Variants in XKR9 observed in about 807,000 individuals in gnomAD.
XKR9 encodes XK related 9, also known as XK-related protein 9.
Under a neutral mutation model 32.0 loss-of-function variants are expected in XKR9, and 32 were observed. The ratio of observed to expected loss-of-function variants is 1.00; its 90% CI spans 0.76 to 1.34. The LOEUF is 1.34. XKR9 is among the 40% of genes most tolerant of loss of function. The pLI, the probability that XKR9 is intolerant of heterozygous loss-of-function variation, is 0.00. For missense variants in XKR9, 546 were observed against 429.7 expected, an observed-to-expected ratio of 1.27 and a Z score of -2.39; for synonymous variants, 168 against 143.4, an observed-to-expected ratio of 1.17 and a Z score of -1.22.
the XKR9 span, among the ~76,000 whole-genome samples, chr8:70,958,967 T>A: frequency 6.6e-6 from 1 of 152,126 alleles, no homozygotes; most frequent in Non-Finnish European, 1.5e-5. Context: ...GTATATAGCC[T>A]ATTATACAGT....
the XKR9 span, among the ~76,000 whole-genome samples, chr8:70,926,947 C>G: frequency 2.8e-3 from 423 of 152,070 alleles, 1 homozygote; most frequent in Non-Finnish European, 4.3e-3. Flanking sequence ...CCAAGAGCTT[C>G]TACCATTATT....
chr8:70,972,087 G>A, the XKR9 span, among the ~76,000 whole-genome samples: 3 of 152,152 alleles, frequency 2.0e-5, no homozygotes, highest in African/African-American at 4.8e-5. Flanking sequence ...CTACTCAGCC[G>A]TGAGCATGGA....
At chr8:70,884,048 G>T in the XKR9 span, among the ~76,000 whole-genome samples, 1 of 152,096 alleles carries the variant, frequency 6.6e-6, no homozygotes, top group Non-Finnish European at 1.5e-5. Context: ...GTCAGCATTT[G>T]GTGTTGTCAG....
At chr8:70,879,693 A>T in the XKR9 span, among the ~76,000 whole-genome samples, 1 of 152,168 alleles carries the variant, frequency 6.6e-6, no homozygotes, top group African/African-American at 2.4e-5. Context: ...AAAAAAGCGC[A>T]GGACCAGATG....
chr8:70,755,868 A>T (rs1490341669), intron 2 of XKR9, among the ~76,000 whole-genome samples: 1 of 150,810 alleles, frequency 6.6e-6, no homozygotes, highest in Non-Finnish European at 1.5e-5. Context: ...TATGTAACTA[A>T]TCTGCACATT....
chr8:70,784,028 T>A (rs1052515670), intron 2 of XKR9, among the ~76,000 whole-genome samples: 2 of 152,168 alleles, frequency 1.3e-5, no homozygotes, highest in African/African-American at 2.4e-5. Context: ...ATGAGTTTAT[T>A]TCTGGGATCT....
the XKR9 span, among the ~76,000 whole-genome samples, chr8:70,881,874 A>C: frequency 6.6e-6 from 1 of 152,266 alleles, no homozygotes; most frequent in African/African-American, 2.4e-5. Flanking sequence ...CCAAATGTCC[A>C]TCAATGATAG....
intron 2 of XKR9, among the ~76,000 whole-genome samples, chr8:70,741,604 T>C (rs1435616032): frequency 1.3e-5 from 2 of 152,238 alleles, no homozygotes; most frequent in Non-Finnish European, 2.9e-5. Context: ...TATTCCATTT[T>C]ATATGTATGC....
At position 70,768,389 on chromosome 8, in the gene XKR9, A is replaced by G. The variant is rs2130226277; in HGVS notation, n.353-20950A>G. 1.3e-5 allele frequency among the ~76,000 whole-genome samples: 2 copies of G among 152,318 alleles called. 1 individual carries two copies. Among genetic ancestry groups the G allele is most frequent in the East Asian group, 3.9e-4 (2 of 5,184 alleles). Reference sequence around the variant, plus strand: ...TGCTACATGGTGGTGAGAAGAATATATATTCTGTTGATTTGGGGTGGAGAG... The same window carrying G: ...TGCTACATGGTGGTGAGAAGAATATGTATTCTGTTGATTTGGGGTGGAGAG... On this transcript the variant is annotated intron_variant and non_coding_transcript_variant, in intron 2 of 3. Coordinates refer to the XKR9 transcript ENST00000520273.
the XKR9 span, among the ~76,000 whole-genome samples, chr8:70,921,182 A>T: frequency 6.6e-6 from 1 of 152,228 alleles, no homozygotes; most frequent in Admixed American, 6.5e-5. Context: ...AAAAAGAACA[A>T]TTCCTCGAGT....
At chr8:70,888,983 G>A in the XKR9 span, among the ~76,000 whole-genome samples, 3 of 151,786 alleles carry the variant, frequency 2.0e-5, no homozygotes, top group Non-Finnish European at 2.9e-5. Context: ...CAATTTCTAC[G>A]AATAATGTTA....
At chr8:70,701,167 G>C (rs1193535822) in intron 3 of XKR9, among the ~76,000 whole-genome samples, 1 of 152,140 alleles carries the variant, frequency 6.6e-6, no homozygotes, top group South Asian at 2.1e-4. Context: ...GCCCTGCTTC[G>C]GCTCGTGCAC....
At chr8:70,694,015 G>A (rs1805168903) in intron 3 of XKR9, among the ~76,000 whole-genome samples, 1 of 151,698 alleles carries the variant, frequency 6.6e-6, no homozygotes, top group African/African-American at 2.4e-5. Flanking sequence ...GCCCAGTGAG[G>A]AGATATGGGA....
At chr8:70,783,007 T>C (rs1807636962) in intron 2 of XKR9, among the ~76,000 whole-genome samples, 1 of 152,218 alleles carries the variant, frequency 6.6e-6, no homozygotes, top group Non-Finnish European at 1.5e-5. Context: ...CAGTTTTCCT[T>C]AATAGCTGTC....
intron 3 of XKR9, among the ~76,000 whole-genome samples, chr8:70,703,901 G>A (rs1435358353): frequency 1.3e-5 from 2 of 152,120 alleles, no homozygotes; most frequent in African/African-American, 4.8e-5. Flanking sequence ...AAGTGAAACA[G>A]GCTGGGCGTG....
At chr8:70,752,628 G>C (rs576902867) in intron 2 of XKR9, among the ~76,000 whole-genome samples, 1 of 152,108 alleles carries the variant, frequency 6.6e-6, no homozygotes, top group African/African-American at 2.4e-5. Context: ...AGGACCATGC[G>C]TCCACATGAG....
the XKR9 span, among the ~76,000 whole-genome samples, chr8:71,018,226 A>G: frequency 6.6e-6 from 1 of 152,214 alleles, no homozygotes; most frequent in Non-Finnish European, 1.5e-5. Flanking sequence ...GTGTGAGTAT[A>G]CAAAAATAGA....
chr8:70,692,925 T>C (rs1338369328), intron 3 of XKR9, among the ~76,000 whole-genome samples: 1 of 152,162 alleles, frequency 6.6e-6, no homozygotes, highest in African/African-American at 2.4e-5. Flanking sequence ...ACCTAGGTTA[T>C]TGAGAGTTTT....
rs1806832463 is a variant in XKR9 at position 70,735,423 on chromosome 8, C to G, written c.*999C>G. 6.6e-6 allele frequency: 1 copy of G among 150,780 alleles called. No homozygotes were observed. Among genetic ancestry groups the G allele is most frequent in the Non-Finnish European group, 1.5e-5 (1 of 67,656 alleles). 9.3% of individuals were successfully genotyped at this position (150,780 alleles called of 1,614,324 possible). ...TGATGGCATTTGGAAGTGGTGGGGA[C>G]TTTGTTTATTTATTTATTTTTAATT... On this transcript the variant is annotated 3_prime_UTR_variant, in exon 5 of 5. Coordinates refer to ENST00000408926, the MANE Select transcript of XKR9 (RefSeq NM_001011720.2).
Sources: gnomAD v4.1 joint callset for allele counts (sites outside exome capture counted in the v4.1 genomes callset) on GRCh38, gnomAD v4.1.1 for gene constraint, MANE v1.5 for transcripts, NCBI Gene and HGNC (gene_info 2026-07-23, HGNC 2026-07-21) for gene names.